Variants in TNFSF13B observed in about 807,000 individuals in gnomAD.
The protein encoded by TNFSF13B is tumor necrosis factor ligand superfamily member 13B.
A neutral mutation model predicts 29.1 loss-of-function variants in TNFSF13B; 8 were observed. That is an observed-to-expected ratio of 0.27 (90% CI 0.16 to 0.50). The LOEUF (loss-of-function observed/expected upper bound fraction) is 0.50. Among genes scored for constraint, TNFSF13B ranks in the 20% least tolerant of loss-of-function variants. The pLI is 0.98. For synonymous variants in TNFSF13B, 125 were observed against 130.8 expected, an observed-to-expected ratio of 0.96 and a Z score of 0.30; for missense variants, 248 against 334.9, an observed-to-expected ratio of 0.74 and a Z score of 2.03.
intron 2 of TNFSF13B, among the ~76,000 whole-genome samples, chr13:108,278,691 C>CCTCCCCTT (rs1566399610): frequency 7.1e-6 from 1 of 140,738 alleles, no homozygotes; most frequent in Non-Finnish European, 1.5e-5. Context: ...CTTTCCTCCT[C>CCTCCCCTT]CTCTTCCTCC....
rs193052316 is a variant in TNFSF13B, at chr13:108,287,253, T to G, written c.481+394T>G. 1.4e-4 allele frequency among the ~76,000 whole-genome samples: 21 copies of G among 152,308 alleles called. No individual in the cohort carries two copies. The East Asian group carries it at 3.9e-3, about 28-fold the overall frequency. On this transcript the variant is annotated intron_variant, in intron 3 of 5. Transcript: ENST00000375887. ...ACCTGCATGTTGTGCACATGTACCC[T>G]AAAACTTAAAGTATAATAAAAACAA...
chr13:108,302,550 C>T (rs1194822434), intron 3 of TNFSF13B, among the ~76,000 whole-genome samples: 1 of 152,022 alleles, frequency 6.6e-6, no homozygotes, highest in Non-Finnish European at 1.5e-5. Context: ...CCCCATGTGC[C>T]TACTCACTGA....
intron 3 of TNFSF13B, among the ~76,000 whole-genome samples, chr13:108,293,561 G>T (rs994416188): frequency 2.0e-5 from 3 of 152,196 alleles, no homozygotes; most frequent in South Asian, 4.1e-4. Flanking sequence ...ATGAACACAA[G>T]ATATCTTCTC....
chr13:108,285,960 C>T (rs1182014878), intron 2 of TNFSF13B, among the ~76,000 whole-genome samples: 2 of 152,204 alleles, frequency 1.3e-5, no homozygotes, highest in Non-Finnish European at 2.9e-5. Flanking sequence ...GGCATTTCTC[C>T]TTATTTAACA....
intron 3 of TNFSF13B, among the ~76,000 whole-genome samples, chr13:108,290,186 G>A (rs1217659687): frequency 1.3e-5 from 2 of 152,064 alleles, no homozygotes; most frequent in East Asian, 1.9e-4. Flanking sequence ...ACTTAACAAT[G>A]TATATTGCAG....
At chr13:108,294,953 AATTTGTCCC>A (rs1881425638) in intron 3 of TNFSF13B, among the ~76,000 whole-genome samples, 1 of 145,006 alleles carries the variant, frequency 6.9e-6, no homozygotes, top group Non-Finnish European at 1.5e-5. Flanking sequence ...TGTTTCTAGG[AATTTGTCCC>A]ATTTGTCTAC....
In TNFSF13B at chr13:108,298,847, T is replaced by C. The variant is rs186490019; in HGVS notation, c.482-4406T>C. ...TTAGCCCGGCGTAGTGGCACTTGCC[T>C]GTAGTCGCAGCTACTCGGGAGGCTG... is the stretch of plus-strand genomic sequence containing the variant. On this transcript the variant is annotated intron_variant, in intron 3 of 5. Transcript: ENST00000375887. 5.1e-3 allele frequency among the ~76,000 whole-genome samples: 741 copies of C among 145,560 alleles called. 100 individuals are homozygous for C. The highest frequency in any genetic ancestry group is 9.3e-3 in the Non-Finnish European group (611 of 65,556).
chr13:108,275,152 C>T lies in TNFSF13B; in HGVS notation c.424+4728C>T, dbSNP rs188105087. 3.3e-3 allele frequency among the ~76,000 whole-genome samples: 498 copies of T among 152,120 alleles called. 1 individual carries two copies. Among genetic ancestry groups the T allele is most frequent in the Non-Finnish European group, 5.6e-3 (381 of 67,950 alleles). On this transcript the variant is annotated intron_variant, in intron 2 of 5. Coordinates refer to ENST00000375887, the MANE Select transcript of TNFSF13B (RefSeq NM_006573.5). ...TATTAGCCAAAAATTCACTTTTAAG[C>T]CCGTAACTGTGTTTGGAGATATTCC... is the stretch of plus-strand genomic sequence containing the variant.
In TNFSF13B at chr13:108,299,295, C is replaced by A. The variant is rs1402682115; in HGVS notation, c.482-3958C>A. 1.4e-5 allele frequency among the ~76,000 whole-genome samples: 2 copies of A among 144,802 alleles called. 1 individual carries two copies. The highest frequency in any genetic ancestry group is 5.2e-5 in the African/African-American group (2 of 38,408). The allele number at this position is 144,802 out of a possible 152,430, so 95.0% of individuals were successfully genotyped here. On this transcript the variant is annotated intron_variant, in intron 3 of 5. Coordinates refer to ENST00000375887, the MANE Select transcript of TNFSF13B (RefSeq NM_006573.5). ...GTAATAATGACTTTATTCTTTTGGT[C>A]CGCTGAGTAGTTCATAATTTTCTCT...
chr13:108,270,310 T>A (rs1480256327), intron 1 of TNFSF13B, 30 bp from the exon 2 acceptor site: 1 of 1,613,940 alleles, frequency 6.2e-7, no homozygotes, highest in Non-Finnish European at 8.5e-7. Context: ...CAGCTGTCTT[T>A]CTAATAACTT....
chr13:108,270,469 A>T, intron 2 of TNFSF13B, 45 bp downstream of exon 2: 1 of 1,565,488 alleles, frequency 6.4e-7, no homozygotes, highest in Non-Finnish European at 8.8e-7. Context: ...GGATTAGAGA[A>T]TAACATCCAG....
intron 3 of TNFSF13B, among the ~76,000 whole-genome samples, chr13:108,297,173 C>T (rs1277041776): frequency 1.4e-5 from 2 of 145,548 alleles, no homozygotes; most frequent in East Asian, 3.9e-4. Context: ...TATTTGAGAA[C>T]ATCTTAATTT....
intron 5 of TNFSF13B, among the ~76,000 whole-genome samples, chr13:108,305,206 G>A (rs1025149594): frequency 6.6e-6 from 1 of 151,852 alleles, no homozygotes; most frequent in Non-Finnish European, 1.5e-5. Flanking sequence ...CTGTTTTAGG[G>A]CAAATTTATT....
At chr13:108,289,955 A>G (rs980380794) in intron 3 of TNFSF13B, among the ~76,000 whole-genome samples, 4 of 152,074 alleles carry the variant, frequency 2.6e-5, no homozygotes, top group African/African-American at 9.7e-5. Context: ...ACACGTTGCA[A>G]AAAATAAAAA....
rs551157295 is a variant in TNFSF13B, at chr13:108,308,462, A to C, written c.*1524A>C. The C allele has an allele frequency of 1.3e-5, 2 of 152,112 alleles. No homozygotes were observed. Among genetic ancestry groups the C allele is most frequent in the Non-Finnish European group, 1.5e-5 (1 of 67,988 alleles). 9.4% of individuals were successfully genotyped at this position (152,112 alleles called of 1,614,324 possible). On this transcript the variant is annotated 3_prime_UTR_variant, in exon 6 of 6. Coordinates refer to ENST00000375887, the MANE Select transcript of TNFSF13B (RefSeq NM_006573.5). ...TGCTAATGTGGATTAACAAATAAAA[A>C]CATTCATTGCCTTTTGCCTCATTGT...
At chr13:108,300,600 A>G (rs1241431970) in intron 3 of TNFSF13B, among the ~76,000 whole-genome samples, 3 of 152,216 alleles carry the variant, frequency 2.0e-5, no homozygotes, top group Non-Finnish European at 4.4e-5. Context: ...CTATTTTATT[A>G]TAATCTTTTC....
At position 108,293,766 on chromosome 13, in the gene TNFSF13B, G is replaced by A. The variant is rs1881389238; in HGVS notation, c.481+6907G>A. Among the ~76,000 whole-genome samples, 5 of 152,180 alleles carry A rather than the reference G, an allele frequency of 3.3e-5. No homozygotes were observed. The South Asian group carries it at 1.0e-3, about 31-fold the overall frequency. ...TAAAAATGTATTTCTCACACTTCTG[G>A]AGGCTGGAAAATTCAAGATTAAGGT... is the stretch of plus-strand genomic sequence containing the variant. On this transcript the variant is annotated intron_variant, in intron 3 of 5. Coordinates refer to ENST00000375887, the MANE Select transcript of TNFSF13B (RefSeq NM_006573.5).
intron 2 of TNFSF13B, among the ~76,000 whole-genome samples, chr13:108,283,877 A>G (rs2139051508): frequency 6.6e-6 from 1 of 152,302 alleles, no homozygotes; most frequent in Middle Eastern, 3.4e-3. Flanking sequence ...TCCATTCATG[A>G]GTGCTCTGCC....
chr13:108,305,594 T>A (rs1224151), intron 5 of TNFSF13B, among the ~76,000 whole-genome samples: 117,030 of 152,074 alleles, frequency 0.77, 45,311 homozygotes, highest in East Asian at 0.92. Flanking sequence ...AACAAATAAA[T>A]CTCAATCTTT....
Sources: gnomAD v4.1 joint callset for allele counts (sites outside exome capture counted in the v4.1 genomes callset) on GRCh38, gnomAD v4.1.1 for gene constraint, MANE v1.5 for transcripts, NCBI Gene and HGNC (gene_info 2026-07-23, HGNC 2026-07-21) for gene names.